FNDC3A: variants seen among roughly 807,000 people sequenced by gnomAD.
FNDC3A encodes the protein fibronectin type-III domain-containing protein 3A.
In FNDC3A, 32 loss-of-function variants were observed where a neutral mutation model predicts 148.9. The ratio of observed to expected loss-of-function variants is 0.21; its 90% confidence interval spans 0.16 to 0.29. FNDC3A has a LOEUF of 0.29. FNDC3A is among the 10% of genes least tolerant of loss of function. The pLI is 1.00. For synonymous variants in FNDC3A, 472 were observed against 473.6 expected (o/e 1.00, Z 0.04); for missense variants, 1,191 against 1,452.8 (o/e 0.82, Z 2.93).
chr13:49,107,653 A>G (rs984166062), intron 3 of FNDC3A, among the ~76,000 whole-genome samples: 1 of 152,356 alleles, frequency 6.6e-6, no homozygotes, highest in South Asian at 2.1e-4. Flanking sequence ...TCAAGAGTTC[A>G]GTTTCATGTC....
intron 8 of FNDC3A, among the ~76,000 whole-genome samples, chr13:49,150,528 G>T (rs914837378): frequency 1.3e-5 from 2 of 151,820 alleles, no homozygotes; most frequent in Non-Finnish European, 2.9e-5. Context: ...TCTACCAGTG[G>T]TCATTCAGGA....
At chr13:49,129,277 TGTATA>T (rs1881888019) in intron 4 of FNDC3A, among the ~76,000 whole-genome samples, 1 of 152,214 alleles carries the variant, frequency 6.6e-6, no homozygotes, top group Non-Finnish European at 1.5e-5. Flanking sequence ...GGTATAGAAA[TGTATA>T]GTCACTGTGA....
intron 3 of FNDC3A, among the ~76,000 whole-genome samples, chr13:49,109,002 A>G (rs576321608): frequency 1.3e-5 from 2 of 152,314 alleles, no homozygotes; most frequent in Admixed American, 6.5e-5. Flanking sequence ...GCCTTTGAAC[A>G]TAGTTTACAC....
intron 15 of FNDC3A, 133 bp downstream of exon 15, chr13:49,186,235 T>C (rs575155764): frequency 1.4e-6 from 1 of 694,924 alleles, no homozygotes; most frequent in East Asian, 2.8e-5. Context: ...GTGAGAGTCA[T>C]TCATTGGGTA....
intron 4 of FNDC3A, among the ~76,000 whole-genome samples, chr13:49,115,011 A>T (rs1428929070): frequency 6.6e-6 from 1 of 152,188 alleles, no homozygotes; most frequent in African/African-American, 2.4e-5. Context: ...AATAAAAATA[A>T]TATTTTAGGT....
chr13:49,018,913 G>C (rs923213985), intron 2 of FNDC3A, among the ~76,000 whole-genome samples: 1 of 151,752 alleles, frequency 6.6e-6, no homozygotes, highest in East Asian at 1.9e-4. Flanking sequence ...TGGGCTGCTT[G>C]GGGGGTCAGG....
intron 1 of FNDC3A, among the ~76,000 whole-genome samples, chr13:48,981,743 T>C (rs1011235615): frequency 6.6e-6 from 1 of 152,144 alleles, no homozygotes; most frequent in Admixed American, 6.6e-5. Flanking sequence ...CAAAGTGCAA[T>C]GTATACTTTG....
At chr13:49,062,571 A>G (rs1372393539) in intron 2 of FNDC3A, among the ~76,000 whole-genome samples, 1 of 152,114 alleles carries the variant, frequency 6.6e-6, no homozygotes, top group Non-Finnish European at 1.5e-5. Context: ...CGTACACATT[A>G]TATGTGCCCT....
chr13:49,191,449 T>C, intron 19 of FNDC3A, 65 bp downstream of exon 19: 1 of 1,330,120 alleles, frequency 7.5e-7, no homozygotes, highest in Non-Finnish European at 1.0e-6. Context: ...TTAACATATA[T>C]CATCATATCC....
chr13:49,140,823 G>C (rs1882646681), intron 7 of FNDC3A, among the ~76,000 whole-genome samples: 1 of 152,204 alleles, frequency 6.6e-6, no homozygotes, highest in South Asian at 2.1e-4. Flanking sequence ...CAAAAAGATA[G>C]AGAGCAGTCA....
chr13:48,975,652 G>C (rs773254728), upstream of FNDC3A: 1 of 152,116 alleles, frequency 6.6e-6, no homozygotes, highest in African/African-American at 2.4e-5. Flanking sequence ...GTGTAGCTCC[G>C]AGCCTGGCCA....
chr13:49,017,353 G>A (rs1207433386), intron 2 of FNDC3A, among the ~76,000 whole-genome samples: 1 of 152,148 alleles, frequency 6.6e-6, no homozygotes, highest in Non-Finnish European at 1.5e-5. Context: ...TTACCATTAT[G>A]TAATGGCCTT....
chr13:49,008,033 A>G (rs1325670807), intron 2 of FNDC3A, among the ~76,000 whole-genome samples: 1 of 152,148 alleles, frequency 6.6e-6, no homozygotes, highest in Non-Finnish European at 1.5e-5. Context: ...GGAGGTAATA[A>G]TATCTTAAAG....
At chr13:49,142,013 T>A (rs754369997) in intron 7 of FNDC3A, among the ~76,000 whole-genome samples, 3 of 152,222 alleles carry the variant, frequency 2.0e-5, no homozygotes, top group Admixed American at 1.3e-4. Context: ...AAAATGAAGA[T>A]AGTTAAGCCT....
chr13:49,062,000 A>T (rs756819645), intron 2 of FNDC3A, among the ~76,000 whole-genome samples: 1 of 151,558 alleles, frequency 6.6e-6, no homozygotes, highest in Non-Finnish European at 1.5e-5. Flanking sequence ...TACAGTCCCC[A>T]TAGTAATAAT....
chr13:48,980,643 A>G (rs1047733816), intron 1 of FNDC3A, among the ~76,000 whole-genome samples: 2 of 152,186 alleles, frequency 1.3e-5, no homozygotes, highest in Non-Finnish European at 2.9e-5. Context: ...TACATGAAAC[A>G]TCTCTGAAGT....
intron 3 of FNDC3A, among the ~76,000 whole-genome samples, chr13:49,098,000 A>C (rs1242177979): frequency 6.6e-6 from 1 of 152,112 alleles, no homozygotes; most frequent in East Asian, 1.9e-4. Flanking sequence ...ACATATCTGC[A>C]GAAGATAGTC....
chr13:49,153,489 GT>G (rs1883453177), intron 8 of FNDC3A, among the ~76,000 whole-genome samples: 1 of 152,180 alleles, frequency 6.6e-6, no homozygotes, highest in Non-Finnish European at 1.5e-5. Flanking sequence ...TCTGATGGTA[GT>G]TTCTTTTGCT....
chr13:49,193,204 CAT>C (rs1322035854), intron 19 of FNDC3A, among the ~76,000 whole-genome samples: 5 of 152,124 alleles, frequency 3.3e-5, no homozygotes, highest in Non-Finnish European at 7.4e-5. Context: ...TGCCTTATAA[CAT>C]GTATAACAGT....
Sources: gnomAD v4.1 joint callset for allele counts (sites outside exome capture counted in the v4.1 genomes callset) on GRCh38, gnomAD v4.1.1 for gene constraint, MANE v1.5 for transcripts, NCBI Gene and HGNC (gene_info 2026-07-23, HGNC 2026-07-21) for gene names.